Variants in LINGO2 observed in about 807,000 individuals in gnomAD.
LINGO2 encodes leucine rich repeat and Ig domain containing 2, also known as leucine-rich repeat and immunoglobulin-like domain-containing nogo receptor-interacting protein 2.
In LINGO2, 14 loss-of-function variants were observed where a neutral mutation model predicts 30.6. The observed-to-expected ratio is 0.46, with a 90% CI of 0.30 to 0.72. LINGO2 has a LOEUF of 0.72. LINGO2 is among the 30% of genes least tolerant of loss of function. LINGO2 has a pLI of 0.07. For synonymous variants in LINGO2, 317 were observed against 288.5 expected, an observed-to-expected ratio of 1.10 and a Z score of -1.00; for missense variants, 729 against 751.7, an observed-to-expected ratio of 0.97 and a Z score of 0.35.
At chr9:28,878,305 G>T in the LINGO2 span, among the ~76,000 whole-genome samples, 1 of 152,038 alleles carries the variant, frequency 6.6e-6, no homozygotes, top group East Asian at 1.9e-4. Context: ...TTGAATCTCC[G>T]AATAGACCAA....
At chr9:28,481,752 T>G (rs1183132369) in intron 1 of LINGO2, among the ~76,000 whole-genome samples, 1 of 152,042 alleles carries the variant, frequency 6.6e-6, no homozygotes, top group Non-Finnish European at 1.5e-5. Context: ...TAGGTATATC[T>G]CCCAATGCTA....
chr9:27,996,183 T>C (rs1283085025), intron 5 of LINGO2, among the ~76,000 whole-genome samples: 2 of 152,102 alleles, frequency 1.3e-5, no homozygotes, highest in African/African-American at 4.8e-5. Context: ...TTGTATTTTG[T>C]TGGTGGAAAT....
At chr9:28,567,064 A>G (rs1823420054) in intron 1 of LINGO2, among the ~76,000 whole-genome samples, 2 of 152,124 alleles carry the variant, frequency 1.3e-5, no homozygotes, top group Non-Finnish European at 2.9e-5. Flanking sequence ...TAAACAAATA[A>G]ACCTTATTCA....
intron 2 of LINGO2, among the ~76,000 whole-genome samples, chr9:28,447,627 C>A (rs1002123803): frequency 2.0e-5 from 3 of 152,112 alleles, no homozygotes; most frequent in Non-Finnish European, 4.4e-5. Flanking sequence ...AAAAATTAAA[C>A]TAATAGATGT....
intron 1 of LINGO2, among the ~76,000 whole-genome samples, chr9:28,607,070 G>T (rs539251317): frequency 6.6e-6 from 1 of 152,150 alleles, no homozygotes; most frequent in African/African-American, 2.4e-5. Flanking sequence ...GGAAATACCT[G>T]TCTTGGTATT....
intron 4 of LINGO2, among the ~76,000 whole-genome samples, chr9:28,046,394 G>A (rs975156707): frequency 2.0e-5 from 3 of 152,140 alleles, no homozygotes; most frequent in Non-Finnish European, 4.4e-5. Flanking sequence ...TTCCGATTCA[G>A]TAGTCCGGAA....
At chr9:28,653,485 T>A (rs1170657810) in intron 1 of LINGO2, among the ~76,000 whole-genome samples, 1 of 152,040 alleles carries the variant, frequency 6.6e-6, no homozygotes, top group African/African-American at 2.4e-5. Flanking sequence ...ATAGGAAAAT[T>A]AAATAAATGA....
intron 3 of LINGO2, among the ~76,000 whole-genome samples, chr9:28,334,199 A>T (rs979277584): frequency 6.6e-6 from 1 of 152,174 alleles, no homozygotes; most frequent in Non-Finnish European, 1.5e-5. Flanking sequence ...ATAAGAAAGA[A>T]GATGGCCTGA....
chr9:28,805,689 C>T, the LINGO2 span, among the ~76,000 whole-genome samples: 2 of 152,268 alleles, frequency 1.3e-5, no homozygotes, highest in South Asian at 2.1e-4. Flanking sequence ...TTGCTGGAAA[C>T]TGCATATCTC....
At chr9:28,404,829 G>C (rs1822426651) in intron 2 of LINGO2, among the ~76,000 whole-genome samples, 1 of 151,970 alleles carries the variant, frequency 6.6e-6, no homozygotes, top group Non-Finnish European at 1.5e-5. Flanking sequence ...GTGACTTTTA[G>C]AGTAGAAAGT....
chr9:28,996,672 T>A, the LINGO2 span, among the ~76,000 whole-genome samples: 1 of 152,242 alleles, frequency 6.6e-6, no homozygotes, highest in Non-Finnish European at 1.5e-5. Context: ...AAAGTATTCA[T>A]TCTGAATTGC....
the LINGO2 span, among the ~76,000 whole-genome samples, chr9:28,957,169 A>T: frequency 6.6e-5 from 10 of 152,166 alleles, no homozygotes; most frequent in African/African-American, 2.4e-5. Context: ...TATCATCAGC[A>T]TCGCACTAAG....
intron 4 of LINGO2, among the ~76,000 whole-genome samples, chr9:28,127,203 GT>G (rs1827260923): frequency 6.6e-6 from 1 of 152,110 alleles, no homozygotes; most frequent in Non-Finnish European, 1.5e-5. Context: ...CTTGAATCTG[GT>G]ATGGCTTTAT....
the LINGO2 span, among the ~76,000 whole-genome samples, chr9:29,087,452 G>T: frequency 6.6e-6 from 1 of 152,170 alleles, no homozygotes; most frequent in Non-Finnish European, 1.5e-5. Context: ...TGAAGGAAAA[G>T]AAGCTCAAAG....
At chr9:28,218,804 G>A (rs79165756) in intron 4 of LINGO2, among the ~76,000 whole-genome samples, 4,287 of 152,130 alleles carry the variant, frequency 0.028, 191 homozygotes, top group African/African-American at 0.097. Flanking sequence ...ACCCTGATAT[G>A]CTAATGTTTC....
the LINGO2 span, among the ~76,000 whole-genome samples, chr9:29,077,057 C>T: frequency 0.2 from 29,928 of 151,820 alleles, 3,065 homozygotes; most frequent in African/African-American, 0.24. Context: ...TATTGCCATG[C>T]TCTTCCAAAC....
At chr9:28,972,220 A>C in the LINGO2 span, among the ~76,000 whole-genome samples, 1 of 152,336 alleles carries the variant, frequency 6.6e-6, no homozygotes, top group Non-Finnish European at 1.5e-5. Flanking sequence ...TATATGCCTA[A>C]CTCTTCAATG....
the LINGO2 span, among the ~76,000 whole-genome samples, chr9:29,179,113 T>A: frequency 6.8e-6 from 1 of 147,804 alleles, no homozygotes; most frequent in Non-Finnish European, 1.5e-5. Context: ...TGCTGGTCTT[T>A]ACTTACTAGA....
At chr9:29,186,861 A>G in the LINGO2 span, among the ~76,000 whole-genome samples, 1 of 152,242 alleles carries the variant, frequency 6.6e-6, no homozygotes, top group African/African-American at 2.4e-5. Flanking sequence ...GATAAGACAC[A>G]CAGCATAGCA....
Sources: allele counts gnomAD v4.1 joint callset (sites outside exome capture counted in the v4.1 genomes callset), GRCh38; gene constraint gnomAD v4.1.1; transcripts MANE v1.5; gene names NCBI Gene and HGNC (gene_info 2026-07-23, HGNC 2026-07-21).